Variants in INF2 observed in about 807,000 individuals in gnomAD.
INF2 encodes the protein inverted formin 2.
A neutral mutation model predicts 123.5 loss-of-function variants in INF2; 43 were observed. That is an observed-to-expected ratio of 0.35 (90% CI 0.27 to 0.45). The LOEUF (loss-of-function observed/expected upper bound fraction) is 0.45. Among genes scored for constraint, INF2 ranks in the 20% least tolerant of loss-of-function variants. The pLI is 1.00. For synonymous variants in INF2, 851 were observed against 745.0 expected (o/e 1.14, Z -2.32); for missense variants, 1,453 against 1,682.7 (o/e 0.86, Z 2.39).
intron 22 of INF2, among the ~76,000 whole-genome samples, chr14:104,716,815 C>T (rs766140864): frequency 5.3e-5 from 8 of 152,172 alleles, no homozygotes; most frequent in Non-Finnish European, 1.2e-4. Context: ...CTCAGCCTCC[C>T]GAGTAGCTGG....
At chr14:104,689,606 C>A, upstream of INF2, 2 of 827,066 alleles carry the variant, frequency 2.4e-6, no homozygotes, top group Non-Finnish European at 2.9e-6. Flanking sequence ...CCGCCCCGCC[C>A]GCCCCGCGCC....
chr14:104,701,288 C>A, intron 1 of INF2, 69 bp from the exon 2 acceptor site: 1 of 1,498,122 alleles, frequency 6.7e-7, no homozygotes. Flanking sequence ...GTGGCCCCGC[C>A]TGCGCTGGTG....
intron 4 of INF2, 28 bp downstream of exon 4, chr14:104,703,482 C>G: frequency 6.2e-7 from 1 of 1,607,256 alleles, no homozygotes; most frequent in Non-Finnish European, 8.5e-7. Context: ...GCCGCATGCC[C>G]GCTCCTGCCC....
At chr14:104,708,920 CAG>C (rs2140674060) in intron 10 of INF2, among the ~76,000 whole-genome samples, 188 bp downstream of exon 10, 1 of 152,258 alleles carries the variant, frequency 6.6e-6, no homozygotes, top group African/African-American at 2.4e-5. Flanking sequence ...CTCCCAGGGA[CAG>C]AGCGCTGGGA....
At position 104,713,318 on chromosome 14, in the gene INF2, G is replaced by A. The variant is rs1263190585; in HGVS notation, c.2878+9G>A. 6 of 1,550,600 alleles carry A rather than the reference G, an allele frequency of 3.9e-6. No homozygotes were observed. The highest frequency in any genetic ancestry group is 4.9e-5 in the East Asian group (2 of 41,006). On this transcript the variant is annotated intron_variant, in intron 19 of 22. Coordinates refer to ENST00000392634, the MANE Select transcript of INF2 (RefSeq NM_022489.4). ...AGAGGACGGGAAGCCTGGTGAGGCTGGGCCGGCTGGGCGGGGAGGGGGTGA... is the reference window on the plus strand; with the variant it reads ...AGAGGACGGGAAGCCTGGTGAGGCTAGGCCGGCTGGGCGGGGAGGGGGTGA...
At chr14:104,711,503 G>A in intron 15 of INF2, 126 bp from the exon 16 acceptor site, 1 of 831,726 alleles carries the variant, frequency 1.2e-6, no homozygotes, top group South Asian at 1.4e-5. Flanking sequence ...AGATTTGAGG[G>A]TCTGGAGTAC....
At position 104,718,844 on chromosome 14, in the gene INF2, A is replaced by G. The variant is rs932189444; in HGVS notation, c.*51A>G. On this transcript the variant is annotated 3_prime_UTR_variant, in exon 23 of 23. Transcript: ENST00000392634. ...AGTGAGAGAGCCCAGGCCACAGGAC[A>G]TGCTGCCATTCTGCCAAGAGAGGCT... 5.0e-6 allele frequency: 8 copies of G among 1,610,586 alleles called. No individual in the cohort carries two copies. The highest frequency in any genetic ancestry group is 6.8e-6 in the Non-Finnish European group (8 of 1,179,058).
In INF2 at chr14:104,712,986, C is replaced by G; in HGVS notation, c.2769C>G (p.Ala923=). ...CTTTCCGGGACCTTTTCCTCCGCGCCCTGAAGGTGGGGCAGCCCGGCGGGA... is the reference window on the plus strand; with the variant it reads ...CTTTCCGGGACCTTTTCCTCCGCGCGCTGAAGGTGGGGCAGCCCGGCGGGA... ...MKAFRDLFLR[A]LKENKDRKEQ... Residue 923 remains alanine, a synonymous_variant, in exon 18 of 23, where the codon GCC becomes GCG. Coordinates refer to ENST00000392634, the MANE Select transcript of INF2 (RefSeq NM_022489.4). 5.0e-6 allele frequency: 8 copies of G among 1,612,438 alleles called. No individual in the cohort carries two copies. The highest frequency in any genetic ancestry group is 6.8e-6 in the Non-Finnish European group (8 of 1,179,792).
At chr14:104,710,621 A>G (rs1235990828) in intron 13 of INF2, 5 of 521,494 alleles carry the variant, frequency 9.6e-6, no homozygotes, top group African/African-American at 3.8e-5. Context: ...ATGTACAGAC[A>G]TAAGTGCACA....
At chr14:104,703,697 CA>C (rs1481512427) in intron 4 of INF2, among the ~76,000 whole-genome samples, 5 of 152,228 alleles carry the variant, frequency 3.3e-5, no homozygotes, top group African/African-American at 1.2e-4. Context: ...TGGAGCCGGA[CA>C]GGGGGCCTGA....
intron 19 of INF2, 67 bp downstream of exon 19, chr14:104,713,376 C>T: frequency 1.3e-6 from 2 of 1,568,096 alleles, no homozygotes; most frequent in Non-Finnish European, 1.7e-6. Flanking sequence ...CCAGCCTCCC[C>T]ACCACCCCCA....
rs1465033624 is a variant in INF2, at chr14:104,711,606, T to A, written c.2419-23T>A. ...GTGGAGAGTATGACCACAGTGGATC[T>A]CACTGGACGTGTCCCATTGCAGGAA... On this transcript the variant is annotated intron_variant, in intron 15 of 22. Coordinates refer to ENST00000392634, the MANE Select transcript of INF2 (RefSeq NM_022489.4). The A allele has an allele frequency of 1.9e-6, 3 of 1,609,350 alleles. No homozygotes were observed. The Admixed American group carries it at 5.0e-5, about 27-fold the overall frequency.
chr14:104,715,217 C>T, intron 21 of INF2, 67 bp from the exon 22 acceptor site: 2 of 1,515,162 alleles, frequency 1.3e-6, no homozygotes. Context: ...CCCAGCCCCA[C>T]CCACTCCGAG....
intron 22 of INF2, among the ~76,000 whole-genome samples, chr14:104,716,957 G>T (rs560077677): frequency 2.5e-4 from 38 of 152,336 alleles, no homozygotes; most frequent in African/African-American, 7.2e-4. Flanking sequence ...CTCCCAAAGT[G>T]CTGGGATTAC....
In INF2 at chr14:104,714,523, C is replaced by G. The variant is rs1248997686; in HGVS notation, c.3361C>G (p.Pro1121Ala). Reference protein sequence around the residue: ...LKPLKFSSNQPPAAGSSRQDA... With the variant: ...LKPLKFSSNQAPAAGSSRQDA... ...GCCCCTCAAGTTCTCCAGCAACCAG[C>G]CCCCTGCAGCCGGAAGTTCAAGGCA... The change falls in exon 21 of 23, where the codon CCC (proline) becomes GCC (alanine). Residue 1121 changes from proline to alanine, a missense_variant. Pro to Ala is a conservative substitution (Grantham distance 27, BLOSUM62 -1). Around this residue, in one of 8 missense-constraint regions of INF2, gnomAD observed 344 missense variants for 333.1 expected, o/e 1.03. Transcript: ENST00000392634. 3 of 1,612,780 alleles carry G rather than the reference C, an allele frequency of 1.9e-6. No homozygotes were observed. The highest frequency in any genetic ancestry group is 1.7e-5 in the Admixed American group (1 of 60,034).
chr14:104,699,067 AG>A lies in INF2; in HGVS notation c.-9-2289del, dbSNP rs916907165. Among the ~76,000 whole-genome samples, 2 of 152,114 alleles carry A rather than the reference AG, an allele frequency of 1.3e-5. No individual in the cohort carries two copies. Among genetic ancestry groups the A allele is most frequent in the Admixed American group, 6.5e-5 (1 of 15,272 alleles). On this transcript the variant is annotated intron_variant, in intron 1 of 22. Transcript: ENST00000392634. This position sits in a 1 kb window ranked among gnomAD's most constrained non-coding sequence, Gnocchi z 4.7. ...TTGCACAGGGCAAGGAGCGCTGGGC[AG>A]TGCCAAGAGGGGCAGTACTCAGGTC...
rs769749650 is a variant in INF2, at chr14:104,712,917, C to T, written c.2700C>T (p.Asp900=). The change falls in exon 18 of 23, where the codon GAC becomes GAT. Residue 900 remains aspartate, a synonymous_variant. Transcript: ENST00000392634. The part of the protein sequence containing the change: ...QRELADYLCE[D]AQQLSLEDTF... ...AGCTGGCCGACTACCTGTGTGAGGACGCCCAGCAGCTGTCCCTGGAGGACA... is the reference window on the plus strand; with the variant it reads ...AGCTGGCCGACTACCTGTGTGAGGATGCCCAGCAGCTGTCCCTGGAGGACA... The T allele has an allele frequency of 2.5e-6, 4 of 1,612,602 alleles. No homozygotes were observed. The highest frequency in any genetic ancestry group is 1.3e-5 in the African/African-American group (1 of 74,934).
intron 1 of INF2, chr14:104,690,459 G>C (rs905322497): frequency 9.2e-5 from 14 of 152,708 alleles, no homozygotes; most frequent in African/African-American, 2.7e-4. Flanking sequence ...TGGTCTGTCT[G>C]TCTGGGCCTT....
Position 104,720,075 on chromosome 14 carries a change from CGTG to C in INF2, c.*1283_*1285del. The C allele has an allele frequency of 6.5e-6, 1 of 153,562 alleles. No homozygotes were observed. The highest frequency in any genetic ancestry group is 2.4e-5 in the African/African-American group (1 of 41,588). 9.5% of individuals were successfully genotyped at this position (153,562 alleles called of 1,614,324 possible). On this transcript the variant is annotated 3_prime_UTR_variant, in exon 23 of 23. Transcript: ENST00000392634. ...GCACCCATCAGTCCGACCCCTTCCCCGTGCTCCTCCCCAGCCCTGGCAGCCACT... is the reference window on the plus strand; with the variant it reads ...GCACCCATCAGTCCGACCCCTTCCCCCTCCTCCCCAGCCCTGGCAGCCACT...
Sources: allele counts gnomAD v4.1 joint callset (sites outside exome capture counted in the v4.1 genomes callset), GRCh38; gene constraint gnomAD v4.1.1; regional missense constraint gnomAD v4.1.1; non-coding constraint Gnocchi (gnomAD v3.1); transcripts MANE v1.5; gene names NCBI Gene and HGNC (gene_info 2026-07-23, HGNC 2026-07-21).